CSPP1: variants seen among roughly 807,000 people sequenced by gnomAD.
The protein encoded by CSPP1 is centrosome and spindle pole associated protein 1.
In CSPP1, 126 loss-of-function variants were observed where a neutral mutation model predicts 164.4. The ratio of observed to expected loss-of-function variants is 0.77; its 90% CI spans 0.66 to 0.89. The LOEUF (loss-of-function observed/expected upper bound fraction) is 0.89, where lower values mean the gene tolerates loss of function less well. Among genes scored for constraint, CSPP1 ranks in the 40% least tolerant of loss-of-function variants. The pLI is 0.00. For missense variants in CSPP1, 1,395 were observed against 1,449.8 expected, an observed-to-expected ratio of 0.96 and a Z score of 0.61; for synonymous variants, 472 against 476.7, an observed-to-expected ratio of 0.99 and a Z score of 0.13.
intron 1 of CSPP1, among the ~76,000 whole-genome samples, chr8:67,065,871 G>A (rs1805446045): frequency 6.6e-6 from 1 of 152,206 alleles, no homozygotes; most frequent in Admixed American, 6.5e-5. Context: ...GAGGGAGTGG[G>A]TGAGTTTAGA....
At chr8:67,090,929 ATGAAG>A (rs1811480443) in intron 4 of CSPP1, among the ~76,000 whole-genome samples, 1 of 152,242 alleles carries the variant, frequency 6.6e-6, no homozygotes, top group African/African-American at 2.4e-5. Context: ...GGAAACTGAA[ATGAAG>A]TGAAGTAAAT....
In CSPP1 at chr8:67,074,325, A is replaced by C; in HGVS notation, c.73A>C (p.Ser25Arg). The C allele has an allele frequency of 6.2e-7, 1 of 1,607,592 alleles. No individual in the cohort carries two copies. Among genetic ancestry groups the C allele is most frequent in the African/African-American group, 1.3e-5 (1 of 74,822 alleles). The change falls in exon 2 of 31, where the codon AGT becomes CGT. Residue 25 changes from serine to arginine, a missense_variant. By Grantham distance (110) the Ser-to-Arg change is moderately radical. Coordinates refer to ENST00000678616, the MANE Select transcript of CSPP1 (RefSeq NM_001382391.1). ...GGCCGAAGACAAAGCAGAGTTGGAA[A>C]GTGATCCACCTTACATGGAAATGAA... is the stretch of plus-strand genomic sequence containing the variant. Reference protein sequence around the residue: ...RLAEDKAELESDPPYMEMKGK... With the variant: ...RLAEDKAELERDPPYMEMKGK...
Position 67,195,431 on chromosome 8 carries a change from G to A in CSPP1, c.3519G>A (p.Gly1173=). 6.2e-7 allele frequency: 1 copy of A among 1,614,182 alleles called. No individual in the cohort carries two copies. Among genetic ancestry groups the A allele is most frequent in the Non-Finnish European group, 8.5e-7 (1 of 1,180,032 alleles). ...CTGATGACATCATGAAACACATAGG[G>A]GATGACGGATCAAACTCTGTAGCAA... is the stretch of plus-strand genomic sequence containing the variant. ...VDPDDIMKHI[G]DDGSNSVATE... Residue 1173 remains glycine, a synonymous_variant, in exon 31 of 31, where the codon GGG becomes GGA. Transcript: ENST00000678616.
At chr8:67,099,822 AT>A (rs1475858603) in intron 7 of CSPP1, among the ~76,000 whole-genome samples, 1 of 152,186 alleles carries the variant, frequency 6.6e-6, no homozygotes, top group Non-Finnish European at 1.5e-5. Context: ...TTGTAGGGAT[AT>A]TTTAATAGAG....
chr8:67,146,775 A>T (rs1343456650), intron 17 of CSPP1, among the ~76,000 whole-genome samples: 1 of 152,200 alleles, frequency 6.6e-6, no homozygotes, highest in Admixed American at 6.5e-5. Flanking sequence ...TTTTATAATG[A>T]GCTAATTCAC....
chr8:67,189,723 A>G (rs1835678492), intron 28 of CSPP1, among the ~76,000 whole-genome samples: 1 of 152,336 alleles, frequency 6.6e-6, no homozygotes, highest in East Asian at 1.9e-4. Flanking sequence ...GATGTCACCA[A>G]CTTATTGGTG....
intron 6 of CSPP1, among the ~76,000 whole-genome samples, chr8:67,094,586 T>G (rs944850920): frequency 6.6e-6 from 1 of 151,856 alleles, no homozygotes; most frequent in African/African-American, 2.4e-5. Flanking sequence ...AAAGGTAAAA[T>G]TTTCTTGAAA....
At chr8:67,073,520 A>C (rs1585827060) in intron 1 of CSPP1, among the ~76,000 whole-genome samples, 1 of 152,318 alleles carries the variant, frequency 6.6e-6, no homozygotes, top group East Asian at 1.9e-4. Context: ...TCAGTACCTA[A>C]CTTAGATGGG....
intron 3 of CSPP1, among the ~76,000 whole-genome samples, chr8:67,080,421 A>C (rs1188329332): frequency 6.6e-6 from 1 of 152,228 alleles, no homozygotes; most frequent in Non-Finnish European, 1.5e-5. Flanking sequence ...ATTCATGGTT[A>C]ATTCCATGTG....
At chr8:67,167,050 T>C (rs1586669787) in intron 24 of CSPP1, among the ~76,000 whole-genome samples, 1 of 150,514 alleles carries the variant, frequency 6.6e-6, no homozygotes, top group East Asian at 1.9e-4. Flanking sequence ...GGTAAGGTCA[T>C]AGATCAACAG....
chr8:67,064,641 C>G (rs962498509), intron 1 of CSPP1, 103 bp downstream of exon 1: 4 of 799,836 alleles, frequency 5.0e-6, no homozygotes, highest in Non-Finnish European at 6.5e-6. Context: ...GCGTAGGTCT[C>G]GAGGCAACTA....
At chr8:67,129,311 AAGAAAGGAAGGAAGGTACAAGGATT>A (rs1244782230) in intron 15 of CSPP1, among the ~76,000 whole-genome samples, 1 of 151,792 alleles carries the variant, frequency 6.6e-6, no homozygotes, top group Non-Finnish European at 1.5e-5. Context: ...AAATAAGAGA[AAGAAAGGAAGGAAGGTACAAGGATT>A]AGAAAGGAAG....
Position 67,159,856 on chromosome 8 carries a change from CTTTCTTTCTTTCTTTCTT to C in CSPP1, c.2538+721_2538+738del, listed in dbSNP as rs1563710858. On this transcript the variant is annotated intron_variant, in intron 21 of 30. Coordinates refer to ENST00000678616, the MANE Select transcript of CSPP1 (RefSeq NM_001382391.1). Reference sequence around the variant, plus strand: ...TTTCTTTCTTTCTTTCTTTCTTTTTCTTTCTTTCTTTCTTTCTTTCTTTCTTTCTTTCTTTCTTTCTTT... The same window carrying C: ...TTTCTTTCTTTCTTTCTTTCTTTTTCTCTTTCTTTCTTTCTTTCTTTCTTT... 1.8e-3 allele frequency among the ~76,000 whole-genome samples: 38 copies of C among 21,094 alleles called. 1 individual carries two copies. Among genetic ancestry groups the C allele is most frequent in the South Asian group, 4.3e-3 (2 of 466 alleles). 13.8% of individuals were successfully genotyped at this position (21,094 alleles called of 152,430 possible). A position where few individuals can be genotyped will look rare whatever the true frequency, so the allele number is the denominator to read the frequency against.
At chr8:67,118,898 C>T (rs1328586986) in intron 15 of CSPP1, 77 bp downstream of exon 15, 13 of 954,804 alleles carry the variant, frequency 1.4e-5, no homozygotes, top group Non-Finnish European at 2.2e-5. Context: ...AAGCCACCAT[C>T]CTAACATTTT....
At chr8:67,158,903 T>C (rs1197131757) in intron 20 of CSPP1, 88 bp from the exon 21 acceptor site, 4 of 1,132,692 alleles carry the variant, frequency 3.5e-6, no homozygotes, top group Non-Finnish European at 5.0e-6. Context: ...TATCTTTATC[T>C]CATTTTATCA....
intron 24 of CSPP1, among the ~76,000 whole-genome samples, chr8:67,168,562 T>C (rs1829925714): frequency 6.6e-6 from 1 of 152,222 alleles, no homozygotes; most frequent in African/African-American, 2.4e-5. Flanking sequence ...TATTTGTGAC[T>C]CTTAAGTTCT....
Position 67,116,097 on chromosome 8 carries a change from G to A in CSPP1, c.1471G>A (p.Ala491Thr), listed in dbSNP as rs374214705. 27 of 1,613,774 alleles carry A rather than the reference G, an allele frequency of 1.7e-5. No individual in the cohort carries two copies. The highest frequency in any genetic ancestry group is 2.2e-5 in the East Asian group (1 of 44,886). The change falls in exon 13 of 31, where the codon GCC (alanine) becomes ACC (threonine). Residue 491 changes from alanine (A) to threonine (T), a missense_variant. By Grantham distance (58) the Ala-to-Thr change is moderately conservative (BLOSUM62 0). Coordinates refer to ENST00000678616, the MANE Select transcript of CSPP1 (RefSeq NM_001382391.1). ...NEDLRSGLSS[A>T]LGEMVSPRIA... is the part of the protein sequence containing the mutation. ...AGATTTGCGCAGTGGACTCAGCAGC[G>A]CCCTTGGTGAAATGGTGTCTCCCAG...
At chr8:67,078,016 T>C (rs1808320996) in intron 3 of CSPP1, among the ~76,000 whole-genome samples, 1 of 152,232 alleles carries the variant, frequency 6.6e-6, no homozygotes, top group Admixed American at 6.5e-5. Context: ...CAATTTTTTT[T>C]CTGTGAAATA....
chr8:67,122,833 CT>C (rs1344906590), intron 15 of CSPP1, among the ~76,000 whole-genome samples: 1 of 151,830 alleles, frequency 6.6e-6, no homozygotes, highest in African/African-American at 2.4e-5. Context: ...TAATCTCCAA[CT>C]GTTACTTTGT....
Sources: allele counts gnomAD v4.1 joint callset (sites outside exome capture counted in the v4.1 genomes callset), GRCh38; gene constraint gnomAD v4.1.1; transcripts MANE v1.5; gene names NCBI Gene and HGNC (gene_info 2026-07-23, HGNC 2026-07-21).